The following PACS2 variants were observed in gnomAD, a reference collection of about 807,000 sequenced individuals.
PACS2 encodes PACS1-like protein.
Under a neutral mutation model 113.0 loss-of-function variants are expected in PACS2, and 36 were observed. That is an observed-to-expected ratio of 0.32 (90% CI 0.24 to 0.42). PACS2 has a LOEUF of 0.42. PACS2 is among the 10% of genes least tolerant of loss of function. PACS2 has a pLI of 1.00. For synonymous variants in PACS2, 589 were observed against 536.1 expected, an observed-to-expected ratio of 1.10 and a Z score of -1.36; for missense variants, 1,015 against 1,239.5, an observed-to-expected ratio of 0.82 and a Z score of 2.72.
In PACS2 at chr14:105,320,925, G is replaced by A. The variant is rs1186248797; in HGVS notation, c.119+5888G>A. Among the ~76,000 whole-genome samples the A allele has an allele frequency of 2.0e-5, 3 of 152,312 alleles. No individual in the cohort carries two copies. The East Asian group carries it at 5.8e-4, about 29-fold the overall frequency. The stretch of plus-strand genomic sequence containing the variant: ...CCCAGCACTTTGGGAGGCTGAGGTG[G>A]GTGGATTACCGGAGGTTAGGAGTTC... On this transcript the variant is annotated intron_variant, in intron 1 of 24. Coordinates refer to ENST00000447393, the MANE Select transcript of PACS2 (RefSeq NM_001100913.3).
intron 1 of PACS2, chr14:105,301,400 T>G (rs1467572481): frequency 3.4e-5 from 5 of 148,716 alleles, no homozygotes; most frequent in Admixed American, 2.7e-4. Context: ...GGAGCCTGGG[T>G]CTGGACCCGA....
intron 11 of PACS2, 45 bp from the exon 12 acceptor site, chr14:105,380,912 G>A (rs2080968499): frequency 1.3e-6 from 2 of 1,574,872 alleles, no homozygotes; most frequent in South Asian, 1.2e-5. Context: ...CCGCAGCACG[G>A]GTGTGGTTTC....
At position 105,367,488 on chromosome 14, in the gene PACS2, G is replaced by A. The variant is rs587704512; in HGVS notation, c.586+113G>A. 40 of 1,031,332 alleles carry A rather than the reference G, an allele frequency of 3.9e-5. 1 individual carries two copies. In the East Asian group the frequency reaches 8.2e-4, roughly 21 times the overall value. The allele number at this position is 1,031,332 out of a possible 1,614,324, so 63.9% of individuals were successfully genotyped here. On this transcript the variant is annotated intron_variant, in intron 5 of 24. Coordinates refer to ENST00000447393, the MANE Select transcript of PACS2 (RefSeq NM_001100913.3). Reference sequence around the variant, plus strand: ...GCCTGGCTTAAGGAGTTGGGGGTCCGGAGCACGTGTCAGTTGCTCTCCTGT... The same window carrying A: ...GCCTGGCTTAAGGAGTTGGGGGTCCAGAGCACGTGTCAGTTGCTCTCCTGT...
At chr14:105,338,085 G>A (rs1282636010) in intron 1 of PACS2, among the ~76,000 whole-genome samples, 15 of 152,358 alleles carry the variant, frequency 9.8e-5, no homozygotes, top group African/African-American at 2.6e-4. Context: ...GGGTGGCCGA[G>A]GGGTCTGTTC....
chr14:105,398,035 A>G lies in PACS2; in HGVS notation c.*3363A>G, dbSNP rs1211767098. 1.3e-5 allele frequency: 2 copies of G among 152,066 alleles called. No homozygotes were observed. Among genetic ancestry groups the G allele is most frequent in the African/African-American group, 4.8e-5 (2 of 41,386 alleles). The allele number at this position is 152,066 out of a possible 1,614,324, so 9.4% of individuals were successfully genotyped here. A position where few individuals can be genotyped will look rare whatever the true frequency, so the allele number is the denominator to read the frequency against. Reference sequence around the variant, plus strand: ...TGTGTTGCTAGTTTTTTTTAATGAAACCCTGGATTAATGTAAATAGCTTTT... The same window carrying G: ...TGTGTTGCTAGTTTTTTTTAATGAAGCCCTGGATTAATGTAAATAGCTTTT... On this transcript the variant is annotated 3_prime_UTR_variant, in exon 25 of 25. Coordinates refer to ENST00000447393, the MANE Select transcript of PACS2 (RefSeq NM_001100913.3).
In PACS2 at chr14:105,315,033, C is replaced by A; in HGVS notation, c.115C>A (p.Pro39Thr). 1.7e-6 allele frequency: 2 copies of A among 1,202,984 alleles called. No homozygotes were observed. The highest frequency in any genetic ancestry group is 1.0e-6 in the Non-Finnish European group (1 of 954,260). The allele number at this position is 1,202,984 out of a possible 1,614,324, so 74.5% of individuals were successfully genotyped here. A position where few individuals can be genotyped will look rare whatever the true frequency, so the allele number is the denominator to read the frequency against. Residue 39 changes from proline to threonine, a missense_variant, in exon 1 of 25, where the codon CCC becomes ACC. Pro to Thr is a conservative substitution (Grantham distance 38, BLOSUM62 -1). Coordinates refer to ENST00000447393, the MANE Select transcript of PACS2 (RefSeq NM_001100913.3). This position sits in a 1 kb window ranked among gnomAD's most constrained non-coding sequence, Gnocchi z 4.4. The stretch of plus-strand genomic sequence containing the variant: ...GGACGGCTCCAGCCCCAGCTGCGTG[C>A]CCAGGTACGCGCCGCCCGCCGCGCT... The part of the protein sequence containing the change: ...EVDGSSPSCV[P>T]RLCSLTLKKL...
intron 2 of PACS2, among the ~76,000 whole-genome samples, chr14:105,350,446 G>C (rs1410192837): frequency 6.6e-6 from 1 of 152,150 alleles, no homozygotes; most frequent in African/African-American, 2.4e-5. Context: ...TCTTGACCGA[G>C]AGCTTGGCCC....
rs146714671 is a variant in PACS2 at position 105,331,095 on chromosome 14, C to T, written c.119+16058C>T. Among the ~76,000 whole-genome samples the T allele has an allele frequency of 3.3e-3, 499 of 152,184 alleles. 4 individuals carry two copies. The highest frequency in any genetic ancestry group is 0.015 in the East Asian group (79 of 5,170). ...TCAGCCTCCCGAGTAGCTGGGATTA[C>T]AGGCATGCACCGTCACACCCAGCTA... On this transcript the variant is annotated intron_variant, in intron 1 of 24. Coordinates refer to ENST00000447393, the MANE Select transcript of PACS2 (RefSeq NM_001100913.3).
upstream of PACS2, among the ~76,000 whole-genome samples, chr14:105,309,775 T>TC (rs2058293950): frequency 7.0e-6 from 1 of 142,430 alleles, no homozygotes; most frequent in African/African-American, 2.7e-5. This position sits in a 1 kb window ranked among gnomAD's most constrained non-coding sequence, Gnocchi z 4.0. Flanking sequence ...GTGATGTGTG[T>TC]CTTTTTTTTT....
At position 105,323,487 on chromosome 14, in the gene PACS2, C is replaced by A. The variant is rs587702476; in HGVS notation, c.119+8450C>A. Among the ~76,000 whole-genome samples, 13 of 152,374 alleles carry A rather than the reference C, an allele frequency of 8.5e-5. No individual in the cohort carries two copies. The highest frequency in any genetic ancestry group is 2.0e-4 in the Admixed American group (3 of 15,310). On this transcript the variant is annotated intron_variant, in intron 1 of 24. Coordinates refer to ENST00000447393, the MANE Select transcript of PACS2 (RefSeq NM_001100913.3). The surrounding 1 kb of genome is among the most constrained non-coding windows in gnomAD (Gnocchi z 4.1). ...GGGACCCTGTCTGCCTTGCTCGGTG[C>A]TGCCCAGAGCCTGCACAGTGTAGCT...
chr14:105,381,795 T>A (rs2081004272), intron 12 of PACS2, 119 bp from the exon 13 acceptor site: 6 of 918,858 alleles, frequency 6.5e-6, no homozygotes, highest in Non-Finnish European at 9.8e-6. Flanking sequence ...CAGTCAGCCC[T>A]GTGCTCACCC....
At chr14:105,311,393 A>G (rs899284659), upstream of PACS2, among the ~76,000 whole-genome samples, 2 of 152,088 alleles carry the variant, frequency 1.3e-5, no homozygotes, top group African/African-American at 4.8e-5. Flanking sequence ...CACTGGGATC[A>G]CAGATGCGCA....
intron 7 of PACS2, 118 bp from the exon 8 acceptor site, chr14:105,369,723 T>C: frequency 2.5e-6 from 2 of 794,016 alleles, no homozygotes; most frequent in East Asian, 2.7e-5. Flanking sequence ...TGGCTGGTGC[T>C]GAGGCCTTGC....
At chr14:105,362,668 T>G (rs2060772751) in intron 4 of PACS2, among the ~76,000 whole-genome samples, 2 of 151,626 alleles carry the variant, frequency 1.3e-5, no homozygotes, top group African/African-American at 4.8e-5. Flanking sequence ...CTGACCAACA[T>G]GTTGAAATGC....
At chr14:105,390,398 C>A (rs2081316933) in intron 20 of PACS2, 1 of 267,968 alleles carries the variant, frequency 3.7e-6, no homozygotes, top group Admixed American at 4.3e-5. Flanking sequence ...TGGGCTGCAG[C>A]CTGCAGTGTG....
chr14:105,380,056 T>C, intron 10 of PACS2, 24 bp from the exon 11 acceptor site: 1 of 1,548,952 alleles, frequency 6.5e-7, no homozygotes, highest in Non-Finnish European at 8.7e-7. Context: ...GAGCACAAGC[T>C]GATTCCCATC....
chr14:105,379,904 C>T, intron 10 of PACS2, 75 bp downstream of exon 10: 5 of 1,464,848 alleles, frequency 3.4e-6, no homozygotes, highest in Non-Finnish European at 4.8e-6. Context: ...AATCTCCCAG[C>T]ATGTCCTGGG....
At chr14:105,364,294 C>T (rs1273205755) in intron 4 of PACS2, among the ~76,000 whole-genome samples, 1 of 114,576 alleles carries the variant, frequency 8.7e-6, no homozygotes, top group Non-Finnish European at 1.6e-5. Context: ...CGGCGGCCTG[C>T]GGGTGTGGTG....
rs2080778526 is a variant in PACS2 at position 105,376,455 on chromosome 14, G to C, written c.802-313G>C. On this transcript the variant is annotated intron_variant, in intron 8 of 24. Coordinates refer to ENST00000447393, the MANE Select transcript of PACS2 (RefSeq NM_001100913.3). The surrounding 1 kb of genome is among the most constrained non-coding windows in gnomAD (Gnocchi z 4.7). The stretch of plus-strand genomic sequence containing the variant: ...TTCTGTCTTGGTTTTGGTGGTGGCT[G>C]CACAGTGGCCCACACCCGTCAGAGC... 6.6e-6 allele frequency among the ~76,000 whole-genome samples: 1 copy of C among 152,130 alleles called. No individual in the cohort carries two copies. The highest frequency in any genetic ancestry group is 6.5e-5 in the Admixed American group (1 of 15,278).
Sources: gnomAD v4.1 joint callset for allele counts (sites outside exome capture counted in the v4.1 genomes callset) on GRCh38, gnomAD v4.1.1 for gene constraint, Gnocchi (gnomAD v3.1) non-coding constraint, MANE v1.5 for transcripts, NCBI Gene and HGNC (gene_info 2026-07-23, HGNC 2026-07-21) for gene names.